MAP3K19: variants seen among roughly 807,000 people sequenced by gnomAD.
MAP3K19 encodes SPS1/STE20-related protein kinase YSK4.
MAP3K19 carries 91 observed loss-of-function variants against 114.4 expected under a neutral mutation model. That is an observed-to-expected ratio of 0.80 (90% CI 0.67 to 0.95). MAP3K19 has a LOEUF of 0.95. Among genes scored for constraint, MAP3K19 ranks in the 40% least tolerant of loss-of-function variants. The pLI, the probability that MAP3K19 is intolerant of heterozygous loss-of-function variation, is 0.00. For missense variants in MAP3K19, 1,471 were observed against 1,573.2 expected (o/e 0.94, Z 1.10); for synonymous variants, 518 against 530.5 (o/e 0.98, Z 0.32).
intron 2 of MAP3K19, among the ~76,000 whole-genome samples, chr2:135,035,698 G>A (rs1049072905): frequency 2.6e-5 from 4 of 152,120 alleles, no homozygotes; most frequent in Non-Finnish European, 5.9e-5. Context: ...CAATAAAGCT[G>A]TTTTTGAAAA....
chr2:135,017,196 G>A (rs1687631852), intron 5 of MAP3K19, among the ~76,000 whole-genome samples: 1 of 152,134 alleles, frequency 6.6e-6, no homozygotes, highest in Non-Finnish European at 1.5e-5. Flanking sequence ...TATGTATATT[G>A]CTATTTACCT....
intron 5 of MAP3K19, among the ~76,000 whole-genome samples, chr2:135,005,893 C>T (rs1484597241): frequency 6.6e-6 from 1 of 152,130 alleles, no homozygotes; most frequent in Non-Finnish European, 1.5e-5. Context: ...GTGAACAACC[C>T]CAAAGGAGCA....
Position 134,999,961 on chromosome 2 carries a change from C to T in MAP3K19, c.290G>A (p.Ser97Asn). The change falls in exon 7 of 13, where the codon AGC (serine) becomes AAC (asparagine). Residue 97 changes from serine (S) to asparagine (N), a missense_variant. Physicochemically the swap from Ser to Asn is conservative, Grantham distance 46. Transcript: ENST00000392915. The surrounding 1 kb of genome is among the most constrained non-coding windows in gnomAD (Gnocchi z 4.1). ...PRDVSPPQEM[S>N]QEDLKEKNLI... ...CTTCTTTTCTTTTAAGTCTTCTTGG[C>T]TCATTTCTTGGGGAGGACTGACATC... 1.2e-6 allele frequency: 2 copies of T among 1,611,094 alleles called. No individual in the cohort carries two copies. The highest frequency in any genetic ancestry group is 8.5e-7 in the Non-Finnish European group (1 of 1,177,350).
intron 3 of MAP3K19, among the ~76,000 whole-genome samples, chr2:135,025,759 T>C (rs1370968996): frequency 2.0e-5 from 3 of 152,158 alleles, no homozygotes; most frequent in Non-Finnish European, 4.4e-5. Flanking sequence ...TTAGGACCAT[T>C]TACAACAGAA....
intron 3 of MAP3K19, among the ~76,000 whole-genome samples, chr2:135,028,255 T>A (rs905928614): frequency 6.6e-6 from 1 of 152,086 alleles, no homozygotes; most frequent in Admixed American, 6.5e-5. Context: ...ATAAATAATT[T>A]ATAATAATAC....
chr2:135,019,664 A>T (rs901222610), intron 5 of MAP3K19, among the ~76,000 whole-genome samples: 1 of 151,868 alleles, frequency 6.6e-6, no homozygotes, highest in Non-Finnish European at 1.5e-5. Flanking sequence ...AATAAATAAA[A>T]AATTTTTTGG....
rs1478590000 is a variant in MAP3K19 at position 134,987,916 on chromosome 2, A to G, written c.956T>C (p.Ile319Thr). 1.2e-6 allele frequency: 2 copies of G among 1,614,012 alleles called. No individual in the cohort carries two copies. Among genetic ancestry groups the G allele is most frequent in the South Asian group, 1.1e-5 (1 of 91,084 alleles). The change falls in exon 10 of 13, where the codon ATT becomes ACT. Residue 319 changes from isoleucine to threonine, a missense_variant. By Grantham distance (89) the Ile-to-Thr change is moderately conservative. Coordinates refer to ENST00000392915, the MANE Select transcript of MAP3K19 (RefSeq NM_025052.5). ...KSKEIEECNK[I>T]EITHFEKGQS... ...CCCTTTTTCAAAGTGAGTGATTTCA[A>G]TTTTGTTACATTCTTCTATTTCCTT... is the stretch of plus-strand genomic sequence containing the variant.
At chr2:135,031,456 A>G (rs1281434354) in intron 2 of MAP3K19, among the ~76,000 whole-genome samples, 2 of 152,212 alleles carry the variant, frequency 1.3e-5, no homozygotes, top group Admixed American at 1.3e-4. Flanking sequence ...AGCCCAGAAT[A>G]AGAAAAGGAA....
Position 135,005,647 on chromosome 2 carries a change from T to G in MAP3K19, c.139-116A>C, listed in dbSNP as rs944324166. 5 of 736,218 alleles carry G rather than the reference T, an allele frequency of 6.8e-6. No homozygotes were observed. The African/African-American group carries it at 7.0e-5, about 10-fold the overall frequency. The allele number at this position is 736,218 out of a possible 1,614,324, so 45.6% of individuals were successfully genotyped here. ...ATTTACACCATGGATTCCTTTTAAA[T>G]TGGATAAAGTATTTAGGACTAAAAT... On this transcript the variant is annotated intron_variant, in intron 5 of 12. Coordinates refer to ENST00000392915, the MANE Select transcript of MAP3K19 (RefSeq NM_025052.5).
rs914937373 is a variant in MAP3K19 at position 134,983,877 on chromosome 2, T to C, written c.3073-52A>G. ...TGACCATTAAACCAAGTCACTGGGA[T>C]GGAGAGAAAGGGGTGAGAGTAAAGT... On this transcript the variant is annotated intron_variant, in intron 10 of 12. Coordinates refer to ENST00000392915, the MANE Select transcript of MAP3K19 (RefSeq NM_025052.5). 3.0e-6 allele frequency: 4 copies of C among 1,316,508 alleles called. No homozygotes were observed. The African/African-American group carries it at 6.0e-5, about 20-fold the overall frequency. 81.6% of individuals were successfully genotyped at this position (1,316,508 alleles called of 1,614,324 possible).
chr2:135,025,699 T>C (rs1688235981), intron 3 of MAP3K19, among the ~76,000 whole-genome samples: 1 of 152,214 alleles, frequency 6.6e-6, no homozygotes, highest in Non-Finnish European at 1.5e-5. Flanking sequence ...ACATGGCCTT[T>C]TCATTCCTCT....
intron 6 of MAP3K19, among the ~76,000 whole-genome samples, chr2:135,002,745 A>G (rs776519800): frequency 6.6e-6 from 1 of 152,176 alleles, no homozygotes; most frequent in Non-Finnish European, 1.5e-5. Context: ...TGTGGGTACC[A>G]GCAGAGGGAG....
At chr2:135,015,682 CAGG>C (rs1428742694) in intron 5 of MAP3K19, among the ~76,000 whole-genome samples, 1 of 151,974 alleles carries the variant, frequency 6.6e-6, no homozygotes, top group Non-Finnish European at 1.5e-5. Context: ...ATCACGAGGT[CAGG>C]AGATCAAGAC....
chr2:134,977,143 T>C (rs1684293001), intron 12 of MAP3K19, among the ~76,000 whole-genome samples: 1 of 151,094 alleles, frequency 6.6e-6, no homozygotes, highest in Admixed American at 6.6e-5. Context: ...ATCCTTTCCT[T>C]GAACTGGATA....
At chr2:135,017,578 T>C (rs1267821009) in intron 5 of MAP3K19, among the ~76,000 whole-genome samples, 1 of 152,148 alleles carries the variant, frequency 6.6e-6, no homozygotes, top group Non-Finnish European at 1.5e-5. Flanking sequence ...AAGTAGAATG[T>C]TGGGGATCTC....
intron 1 of MAP3K19, among the ~76,000 whole-genome samples, chr2:135,044,806 T>A (rs949281813): frequency 6.6e-6 from 1 of 152,212 alleles, no homozygotes; most frequent in African/African-American, 2.4e-5. Flanking sequence ...GAACCCAATC[T>A]AATGTGCCTG....
Position 135,028,539 on chromosome 2 carries a change from C to T in MAP3K19, c.-95+1773G>A, listed in dbSNP as rs565130970. 1.2e-4 allele frequency among the ~76,000 whole-genome samples: 17 copies of T among 139,906 alleles called. No homozygotes were observed. The South Asian group carries it at 3.6e-3, about 30-fold the overall frequency. 91.8% of individuals were successfully genotyped at this position (139,906 alleles called of 152,430 possible). The stretch of plus-strand genomic sequence containing the variant: ...CGCCACTGCACTCCAGCCTTGGCAA[C>T]ATAGTGAGACTCTGTCTCAAAAAAA... On this transcript the variant is annotated intron_variant, in intron 3 of 12. Coordinates refer to ENST00000392915, the MANE Select transcript of MAP3K19 (RefSeq NM_025052.5).
chr2:135,005,104 C>T (rs1238643105), intron 6 of MAP3K19, among the ~76,000 whole-genome samples: 1 of 152,074 alleles, frequency 6.6e-6, no homozygotes, highest in Non-Finnish European at 1.5e-5. Context: ...TTTTTCTTCT[C>T]CTTTGGGCTT....
At chr2:135,037,078 C>A (rs1688547933) in intron 2 of MAP3K19, among the ~76,000 whole-genome samples, 2 of 151,948 alleles carry the variant, frequency 1.3e-5, no homozygotes, top group Admixed American at 1.3e-4. Context: ...CTCACTGCAA[C>A]CTCTGCCTCC....
Sources: gnomAD v4.1 joint callset for allele counts (sites outside exome capture counted in the v4.1 genomes callset) on GRCh38, gnomAD v4.1.1 for gene constraint, Gnocchi (gnomAD v3.1) non-coding constraint, MANE v1.5 for transcripts, NCBI Gene and HGNC (gene_info 2026-07-23, HGNC 2026-07-21) for gene names.